The following ARSB variants were observed in gnomAD, a reference collection of about 807,000 sequenced individuals.
ARSB encodes N-acetylgalactosamine-4-sulfatase.
Under a neutral mutation model 50.9 loss-of-function variants are expected in ARSB, and 41 were observed. That is an observed-to-expected ratio of 0.81 (90% CI 0.63 to 1.04). ARSB has a LOEUF of 1.04. Ranked by LOEUF, ARSB falls within the 50% of genes least tolerant of loss-of-function variation. ARSB has a pLI of 0.00. For synonymous variants in ARSB, 269 were observed against 284.8 expected (o/e 0.94, Z 0.56); for missense variants, 672 against 693.3 (o/e 0.97, Z 0.35).
upstream of ARSB, chr5:78,985,660 CATT>C (rs1038709961): frequency 2.6e-5 from 4 of 155,014 alleles, no homozygotes; most frequent in African/African-American, 7.2e-5. Flanking sequence ...GACAGTTAGA[CATT>C]ATAATTAGTG....
At chr5:78,822,107 A>AT (rs949651041) in intron 6 of ARSB, among the ~76,000 whole-genome samples, 7 of 152,208 alleles carry the variant, frequency 4.6e-5, no homozygotes, top group African/African-American at 7.2e-5. Flanking sequence ...AGAAAAAGAG[A>AT]TTTTTTCTTA....
At chr5:78,914,914 GC>G (rs1749473400) in intron 4 of ARSB, among the ~76,000 whole-genome samples, 1 of 152,118 alleles carries the variant, frequency 6.6e-6, no homozygotes. Context: ...ACCTGCCTTG[GC>G]CTCCCAAAGT....
At position 78,799,320 on chromosome 5, in the gene ARSB, T is replaced by C. The variant is rs1363220724; in HGVS notation, c.1214-17346A>G. On this transcript the variant is annotated intron_variant, in intron 6 of 7. Coordinates refer to ENST00000264914, the MANE Select transcript of ARSB (RefSeq NM_000046.5). ...AGCTCAACAGACAGACATTCTGAGA[T>C]TGCTGAAGCCTCAGTCCTCTCTCAA... 2.0e-5 allele frequency among the ~76,000 whole-genome samples: 3 copies of C among 152,320 alleles called. No individual in the cohort carries two copies. The East Asian group carries it at 5.8e-4, about 29-fold the overall frequency.
At chr5:78,939,045 T>A (rs1394462282) in intron 4 of ARSB, among the ~76,000 whole-genome samples, 6 of 152,206 alleles carry the variant, frequency 3.9e-5, no homozygotes, top group African/African-American at 1.4e-4. Flanking sequence ...CTCCGTCTCA[T>A]GTGTACTATG....
intron 5 of ARSB, among the ~76,000 whole-genome samples, chr5:78,857,318 T>G (rs1478862260): frequency 6.6e-6 from 1 of 152,230 alleles, no homozygotes; most frequent in East Asian, 1.9e-4. Flanking sequence ...TCACACAGTC[T>G]ACTCATTATA....
chr5:78,863,252 A>G (rs559115919), intron 5 of ARSB, among the ~76,000 whole-genome samples: 1 of 152,304 alleles, frequency 6.6e-6, no homozygotes, highest in East Asian at 1.9e-4. Context: ...TGATCCCATT[A>G]CTGGGTATAT....
At chr5:78,921,688 G>A (rs1215563793) in intron 4 of ARSB, among the ~76,000 whole-genome samples, 4 of 152,150 alleles carry the variant, frequency 2.6e-5, no homozygotes, top group African/African-American at 9.7e-5. Context: ...AATACAGTAT[G>A]TGGAAATTAT....
intron 4 of ARSB, among the ~76,000 whole-genome samples, chr5:78,931,811 G>A (rs1262309796): frequency 2.0e-5 from 3 of 151,996 alleles, no homozygotes; most frequent in Non-Finnish European, 4.4e-5. Flanking sequence ...GGACCTGGTG[G>A]GAGGTGACTG....
intron 5 of ARSB, among the ~76,000 whole-genome samples, chr5:78,842,661 T>C (rs1180284813): frequency 2.6e-5 from 4 of 152,172 alleles, no homozygotes; most frequent in South Asian, 2.1e-4. Flanking sequence ...AACCCACAAA[T>C]TCTTGGCCAC....
chr5:78,888,387 G>C (rs1748135782), intron 4 of ARSB, among the ~76,000 whole-genome samples: 1 of 152,152 alleles, frequency 6.6e-6, no homozygotes, highest in Admixed American at 6.5e-5. Context: ...TTAGAAGAAG[G>C]TGCTATTCAT....
chr5:78,836,918 G>C (rs1023165183), intron 6 of ARSB, among the ~76,000 whole-genome samples: 1 of 152,124 alleles, frequency 6.6e-6, no homozygotes, highest in Admixed American at 6.5e-5. Flanking sequence ...TACATGGCTG[G>C]AGCAGGAGGA....
Position 78,780,186 on chromosome 5 carries a change from C to G in ARSB, c.*211G>C. On this transcript the variant is annotated 3_prime_UTR_variant, in exon 8 of 8. Coordinates refer to ENST00000264914, the MANE Select transcript of ARSB (RefSeq NM_000046.5). ...GGGATAAACCCAGCCACCCCCACCT[C>G]TAGACACATGCTCCAGCCAACAGCA... 1 of 638,060 alleles carries G rather than the reference C, an allele frequency of 1.6e-6. No homozygotes were observed. Among genetic ancestry groups the G allele is most frequent in the South Asian group, 1.9e-5 (1 of 53,116 alleles). The allele number at this position is 638,060 out of a possible 1,614,324, so 39.5% of individuals were successfully genotyped here. A position where few individuals can be genotyped will look rare whatever the true frequency, so the allele number is the denominator to read the frequency against.
At chr5:78,911,088 A>G (rs1170267948) in intron 4 of ARSB, among the ~76,000 whole-genome samples, 1 of 152,192 alleles carries the variant, frequency 6.6e-6, no homozygotes, top group African/African-American at 2.4e-5. Flanking sequence ...CAAAAAACGA[A>G]GGGGTATTGA....
intron 4 of ARSB, among the ~76,000 whole-genome samples, chr5:78,933,575 G>A (rs1172041293): frequency 6.6e-6 from 1 of 151,598 alleles, no homozygotes; most frequent in Non-Finnish European, 1.5e-5. Context: ...CCTTGTGGAT[G>A]GGGACACTGG....
At chr5:78,868,870 G>A (rs1253338414) in intron 5 of ARSB, among the ~76,000 whole-genome samples, 4 of 151,090 alleles carry the variant, frequency 2.6e-5, no homozygotes, top group East Asian at 1.9e-4. Flanking sequence ...AGACTGGCAA[G>A]TTGGATAAAG....
chr5:78,812,771 T>C (rs1258551078), intron 6 of ARSB, among the ~76,000 whole-genome samples: 2 of 152,106 alleles, frequency 1.3e-5, no homozygotes, highest in South Asian at 2.1e-4. Context: ...GGCAGGTGGA[T>C]TGCTTGAGCT....
intron 1 of ARSB, among the ~76,000 whole-genome samples, chr5:78,975,922 A>C (rs1752641705): frequency 6.6e-6 from 1 of 152,228 alleles, no homozygotes; most frequent in African/African-American, 2.4e-5. Flanking sequence ...AGGTATAATG[A>C]ATATTTTGTA....
At chr5:78,826,607 T>C (rs1581008327) in intron 6 of ARSB, among the ~76,000 whole-genome samples, 1 of 152,328 alleles carries the variant, frequency 6.6e-6, no homozygotes, top group South Asian at 2.1e-4. Flanking sequence ...TTAGTTTCTT[T>C]TCTTTATTGC....
intron 5 of ARSB, among the ~76,000 whole-genome samples, chr5:78,845,259 T>G (rs781069467): frequency 6.6e-6 from 1 of 152,142 alleles, no homozygotes; most frequent in Non-Finnish European, 1.5e-5. Flanking sequence ...ATATATACCA[T>G]ATTTTCTTCA....
Sources: gnomAD v4.1 joint callset for allele counts (sites outside exome capture counted in the v4.1 genomes callset) on GRCh38, gnomAD v4.1.1 for gene constraint, MANE v1.5 for transcripts, NCBI Gene and HGNC (gene_info 2026-07-23, HGNC 2026-07-21) for gene names.